The following RFC3 variants were observed in gnomAD, a reference collection of about 807,000 sequenced individuals.
RFC3 encodes the protein A1 38 kDa subunit.
In RFC3, 41 loss-of-function variants were observed where a neutral mutation model predicts 45.1. That is an observed-to-expected ratio of 0.91 (90% confidence interval 0.71 to 1.18). RFC3 has a LOEUF of 1.18. Among genes scored for constraint, RFC3 ranks in the 50% most tolerant of loss-of-function variants. The pLI, the probability that RFC3 is intolerant of heterozygous loss-of-function variation, is 0.00. For missense variants in RFC3, 423 were observed against 428.1 expected, an observed-to-expected ratio of 0.99 and a Z score of 0.10; for synonymous variants, 149 against 144.0, an observed-to-expected ratio of 1.03 and a Z score of -0.25.
At chr13:33,955,489 C>T (rs765777606) in intron 8 of RFC3, among the ~76,000 whole-genome samples, 6 of 152,040 alleles carry the variant, frequency 3.9e-5, no homozygotes, top group Non-Finnish European at 7.4e-5. Flanking sequence ...GAAGGAGGGG[C>T]GTGAAAGGGA....
At chr13:33,851,405 C>T (rs924462635) in intron 8 of RFC3, among the ~76,000 whole-genome samples, 2 of 152,088 alleles carry the variant, frequency 1.3e-5, no homozygotes, top group Non-Finnish European at 2.9e-5. Context: ...AACAGAAATA[C>T]TCAGATAACA....
intron 1 of RFC3, among the ~76,000 whole-genome samples, chr13:33,820,283 T>C (rs2081989844): frequency 1.3e-5 from 2 of 152,252 alleles, no homozygotes; most frequent in South Asian, 4.1e-4. Flanking sequence ...TTCTGACTTC[T>C]AACTTTGTAC....
chr13:33,896,711 C>CAAA (rs56129519), intron 8 of RFC3, among the ~76,000 whole-genome samples: 22 of 42,108 alleles, frequency 5.2e-4, no homozygotes, highest in East Asian at 7.4e-4. Context: ...GACTTTGTCT[C>CAAA]AAAAAAAAAA....
rs190901845 is a variant in RFC3, at chr13:33,901,034, A to T, written c.880-65053A>T. ...AATTAAAATGAATTTTATCAAAAAGACAATAATGGATGCTGGTGAGGATGT... is the reference window on the plus strand; with the variant it reads ...AATTAAAATGAATTTTATCAAAAAGTCAATAATGGATGCTGGTGAGGATGT... On this transcript the variant is annotated intron_variant, in intron 8 of 8. Coordinates refer to the RFC3 transcript ENST00000434425. Among the ~76,000 whole-genome samples the T allele has an allele frequency of 2.2e-3, 328 of 151,996 alleles. 3 individuals carry two copies. The highest frequency in any genetic ancestry group is 6.0e-3 in the African/African-American group (251 of 41,560).
rs368974019 is a variant in RFC3 at position 33,904,859 on chromosome 13, C to T, written c.880-61228C>T. On this transcript the variant is annotated intron_variant, in intron 8 of 8. Coordinates refer to the RFC3 transcript ENST00000434425. Reference sequence around the variant, plus strand: ...AAATAAGCTGGGGAGGCAATGCTGGCCTAAACAGCTGGTGAGACTTCTCAG... The same window carrying T: ...AAATAAGCTGGGGAGGCAATGCTGGTCTAAACAGCTGGTGAGACTTCTCAG... 7.9e-5 allele frequency among the ~76,000 whole-genome samples: 12 copies of T among 152,144 alleles called. No individual in the cohort carries two copies. The East Asian group carries it at 1.9e-3, about 25-fold the overall frequency.
Position 33,895,734 on chromosome 13 carries a change from T to G in RFC3, c.879+60517T>G, listed in dbSNP as rs1593673813. Reference sequence around the variant, plus strand: ...TGTTTACTTCAGCACAATTCATAATTGCAAAGACATGGAACCAACCTAAGT... The same window carrying G: ...TGTTTACTTCAGCACAATTCATAATGGCAAAGACATGGAACCAACCTAAGT... On this transcript the variant is annotated intron_variant, in intron 8 of 8. Transcript: ENST00000434425. Among the ~76,000 whole-genome samples, 4 of 152,216 alleles carry G rather than the reference T, an allele frequency of 2.6e-5. No homozygotes were observed. In the South Asian group the frequency reaches 8.3e-4, roughly 32 times the overall value.
chr13:33,864,257 C>T (rs1232484261), intron 8 of RFC3, among the ~76,000 whole-genome samples: 1 of 152,140 alleles, frequency 6.6e-6, no homozygotes, highest in Admixed American at 6.6e-5. Flanking sequence ...ACCCAAACAC[C>T]CCCTCCCACT....
At chr13:33,911,696 C>T (rs2082704632) in intron 8 of RFC3, among the ~76,000 whole-genome samples, 1 of 151,988 alleles carries the variant, frequency 6.6e-6, no homozygotes, top group Non-Finnish European at 1.5e-5. Flanking sequence ...TTTACAACAA[C>T]CCACTCTTGA....
intron 8 of RFC3, among the ~76,000 whole-genome samples, chr13:33,875,069 C>T (rs1030366229): frequency 3.9e-5 from 6 of 152,212 alleles, no homozygotes; most frequent in African/African-American, 1.2e-4. Flanking sequence ...GGATGTTACT[C>T]CATACACTTA....
At chr13:33,960,016 A>G (rs1046942713) in intron 8 of RFC3, among the ~76,000 whole-genome samples, 1 of 152,050 alleles carries the variant, frequency 6.6e-6, no homozygotes, top group Non-Finnish European at 1.5e-5. Flanking sequence ...GAGGTGCCAC[A>G]CACTTTTCAA....
chr13:33,950,135 A>G (rs1055911377), intron 8 of RFC3, among the ~76,000 whole-genome samples: 1 of 151,736 alleles, frequency 6.6e-6, no homozygotes, highest in East Asian at 1.9e-4. Flanking sequence ...CTCTGGAGAA[A>G]CCTAGTACAG....
downstream of RFC3, among the ~76,000 whole-genome samples, chr13:33,838,953 T>C (rs2082177736): frequency 2.0e-5 from 3 of 152,208 alleles, no homozygotes; most frequent in Admixed American, 2.0e-4. Flanking sequence ...CTCCACCGCA[T>C]TGTGCAATCA....
chr13:33,947,111 A>G (rs2082959141), intron 8 of RFC3, among the ~76,000 whole-genome samples: 1 of 152,224 alleles, frequency 6.6e-6, no homozygotes, highest in Non-Finnish European at 1.5e-5. Flanking sequence ...ATACATGTTG[A>G]TATGGTTTGG....
intron 8 of RFC3, among the ~76,000 whole-genome samples, chr13:33,927,663 C>T (rs1691496475): frequency 6.6e-6 from 1 of 152,216 alleles, no homozygotes; most frequent in Non-Finnish European, 1.5e-5. Flanking sequence ...TCCATTTTGC[C>T]AGAGTTTGAC....
At chr13:33,893,677 AAAT>A (rs934879789) in intron 8 of RFC3, among the ~76,000 whole-genome samples, 5 of 152,078 alleles carry the variant, frequency 3.3e-5, no homozygotes, top group Admixed American at 6.6e-5. Context: ...ATGAAGACTG[AAAT>A]AATAATAATA....
At chr13:33,873,096 T>G (rs2082423062) in intron 8 of RFC3, among the ~76,000 whole-genome samples, 1 of 152,108 alleles carries the variant, frequency 6.6e-6, no homozygotes, top group Non-Finnish European at 1.5e-5. Flanking sequence ...TTTCAAATAT[T>G]AGCAAAGAAA....
Position 33,836,495 on chromosome 13 carries a change from A to G in RFC3, c.*200A>G, listed in dbSNP as rs2082156340. On this transcript the variant is annotated 3_prime_UTR_variant, in exon 9 of 9. Coordinates refer to ENST00000380071, the MANE Select transcript of RFC3 (RefSeq NM_002915.4). Reference sequence around the variant, plus strand: ...TATTGAAGTATGTAGTTTTGTACATAACTTAGAGACTTTAGAGTCTAAGAA... The same window carrying G: ...TATTGAAGTATGTAGTTTTGTACATGACTTAGAGACTTTAGAGTCTAAGAA... The G allele has an allele frequency of 7.6e-7, 1 of 1,315,152 alleles. No individual in the cohort carries two copies. The highest frequency in any genetic ancestry group is 9.7e-7 in the Non-Finnish European group (1 of 1,028,928). 81.5% of individuals were successfully genotyped at this position (1,315,152 alleles called of 1,614,324 possible).
chr13:33,885,897 G>C (rs375411044), intron 8 of RFC3, among the ~76,000 whole-genome samples: 1 of 152,122 alleles, frequency 6.6e-6, no homozygotes, highest in African/African-American at 2.4e-5. Flanking sequence ...TGAGATTAAA[G>C]ATATTATTTA....
intron 8 of RFC3, among the ~76,000 whole-genome samples, chr13:33,918,390 G>A (rs2082746606): frequency 6.6e-6 from 1 of 152,066 alleles, no homozygotes; most frequent in Non-Finnish European, 1.5e-5. Context: ...GGCTGGCTGT[G>A]GCATTCAGGG....
Sources: allele counts gnomAD v4.1 joint callset (sites outside exome capture counted in the v4.1 genomes callset), GRCh38; gene constraint gnomAD v4.1.1; transcripts MANE v1.5; gene names NCBI Gene and HGNC (gene_info 2026-07-23, HGNC 2026-07-21).